The following CHRM2 variants were observed in gnomAD, a reference collection of about 807,000 sequenced individuals.
CHRM2 encodes cholinergic receptor muscarinic 2, also known as muscarinic acetylcholine receptor M2.
Under a neutral mutation model 25.0 loss-of-function variants are expected in CHRM2, and 8 were observed. The observed-to-expected ratio is 0.32, with a 90% CI of 0.19 to 0.58. CHRM2 has a LOEUF of 0.58. Ranked by LOEUF, CHRM2 falls within the 20% of genes least tolerant of loss-of-function variation. The pLI is 0.88. For missense variants in CHRM2, 440 were observed against 567.1 expected (o/e 0.78, Z 2.28); for synonymous variants, 202 against 205.7 (o/e 0.98, Z 0.15).
chr7:136,919,000 A>G (rs1443149463), intron 2 of CHRM2, among the ~76,000 whole-genome samples: 1 of 152,116 alleles, frequency 6.6e-6, no homozygotes, highest in Non-Finnish European at 1.5e-5. Flanking sequence ...CAGGCAATTA[A>G]TATTTGGAAC....
At chr7:136,951,170 T>A (rs1200112780) in intron 2 of CHRM2, 2 of 152,142 alleles carry the variant, frequency 1.3e-5, no homozygotes, top group African/African-American at 4.8e-5. Flanking sequence ...TAAGACCATG[T>A]GGAATATCCA....
At chr7:136,992,579 A>C (rs1363600282) in intron 3 of CHRM2, among the ~76,000 whole-genome samples, 4 of 152,088 alleles carry the variant, frequency 2.6e-5, no homozygotes, top group Non-Finnish European at 5.9e-5. Flanking sequence ...TAATACATCA[A>C]AATTTCCTGA....
intron 2 of CHRM2, among the ~76,000 whole-genome samples, chr7:136,898,459 TA>T (rs1797020722): frequency 6.6e-6 from 1 of 151,996 alleles, no homozygotes; most frequent in Non-Finnish European, 1.5e-5. Flanking sequence ...GTTAAGTCTC[TA>T]AGACTGTGAA....
intron 2 of CHRM2, among the ~76,000 whole-genome samples, chr7:136,889,357 TA>T (rs2130551994): frequency 1.3e-5 from 2 of 152,302 alleles, no homozygotes; most frequent in South Asian, 4.1e-4. Flanking sequence ...ACAATCCCTT[TA>T]TACTGGTTAA....
At chr7:136,892,654 T>C (rs1036301814) in intron 2 of CHRM2, among the ~76,000 whole-genome samples, 1 of 150,080 alleles carries the variant, frequency 6.7e-6, no homozygotes, top group African/African-American at 2.5e-5. Context: ...AATGATAAAG[T>C]GCTCTTATTA....
At chr7:136,930,593 GAA>G (rs11284479) in intron 2 of CHRM2, among the ~76,000 whole-genome samples, 36,347 of 150,612 alleles carry the variant, frequency 0.24, 5,719 homozygotes, top group Non-Finnish European at 0.35. Flanking sequence ...TATACGATAG[GAA>G]AAAAAAAAAT....
chr7:136,948,511 G>C (rs577564054), intron 2 of CHRM2, among the ~76,000 whole-genome samples: 49 of 152,162 alleles, frequency 3.2e-4, no homozygotes, highest in African/African-American at 1.2e-3. Flanking sequence ...GGTTAACTGT[G>C]AGGACATTTA....
At chr7:136,980,739 T>G (rs1449714668) in intron 2 of CHRM2, among the ~76,000 whole-genome samples, 1 of 152,196 alleles carries the variant, frequency 6.6e-6, no homozygotes, top group Non-Finnish European at 1.5e-5. Flanking sequence ...TGAGATGGAT[T>G]ACGTTTATTG....
intron 2 of CHRM2, among the ~76,000 whole-genome samples, chr7:136,901,279 A>G (rs1797192197): frequency 6.6e-6 from 1 of 152,084 alleles, no homozygotes; most frequent in African/African-American, 2.4e-5. Flanking sequence ...AGAAAGGTAT[A>G]GTGGGTTGCA....
chr7:136,907,730 A>C (rs1393235476), intron 2 of CHRM2: 1 of 151,944 alleles, frequency 6.6e-6, no homozygotes, highest in Non-Finnish European at 1.5e-5. Context: ...CAACAAAAAA[A>C]ATCTTATTCC....
At chr7:136,885,207 T>C (rs563297315) in intron 2 of CHRM2, among the ~76,000 whole-genome samples, 2 of 152,220 alleles carry the variant, frequency 1.3e-5, no homozygotes, top group Non-Finnish European at 2.9e-5. Context: ...TCCTTAGCAA[T>C]GGACCAAAGA....
At chr7:136,922,010 G>A (rs2130738818) in intron 2 of CHRM2, among the ~76,000 whole-genome samples, 1 of 152,064 alleles carries the variant, frequency 6.6e-6, no homozygotes, top group South Asian at 2.1e-4. Flanking sequence ...CAAGTGATCT[G>A]CCTGCCTCAT....
intron 2 of CHRM2, among the ~76,000 whole-genome samples, chr7:136,879,506 T>C (rs1796177879): frequency 6.6e-6 from 1 of 152,014 alleles, no homozygotes; most frequent in Non-Finnish European, 1.5e-5. Flanking sequence ...TGACTGTCTA[T>C]TGGGAAATGA....
At chr7:136,967,960 C>A (rs2130918115) in intron 2 of CHRM2, among the ~76,000 whole-genome samples, 1 of 151,906 alleles carries the variant, frequency 6.6e-6, no homozygotes, top group South Asian at 2.1e-4. Flanking sequence ...ACTTCATACA[C>A]AAAACCACAC....
intron 2 of CHRM2, among the ~76,000 whole-genome samples, chr7:136,873,139 T>A (rs1449819281): frequency 6.6e-6 from 1 of 152,230 alleles, no homozygotes; most frequent in Non-Finnish European, 1.5e-5. Context: ...GCCACCAATG[T>A]CCACCTTGTG....
rs139094210 is a variant in CHRM2, at chr7:136,908,313, C to T, written c.-125+38895C>T. On this transcript the variant is annotated intron_variant, in intron 2 of 3. Coordinates refer to ENST00000680005, the MANE Select transcript of CHRM2 (RefSeq NM_001006630.2). The stretch of plus-strand genomic sequence containing the variant: ...TAAACATCTAAGAAATGAATAGTTA[C>T]GAGGCTCTTATTCTTAACTACTGTG... Among the ~76,000 whole-genome samples, 267 of 151,916 alleles carry T rather than the reference C, an allele frequency of 1.8e-3. 1 individual carries two copies. Among genetic ancestry groups the T allele is most frequent in the African/African-American group, 6.1e-3 (252 of 41,502 alleles).
At chr7:136,953,153 A>T (rs1800517115) in intron 2 of CHRM2, among the ~76,000 whole-genome samples, 1 of 152,082 alleles carries the variant, frequency 6.6e-6, no homozygotes, top group Non-Finnish European at 1.5e-5. Context: ...GAATCGCCAC[A>T]CTGTCAGACA....
At position 136,973,771 on chromosome 7, in the gene CHRM2, G is replaced by A. The variant is rs1007861134; in HGVS notation, c.-124-18416G>A. On this transcript the variant is annotated intron_variant, in intron 2 of 3. Transcript: ENST00000680005. The stretch of plus-strand genomic sequence containing the variant: ...GGTGATGGTGGTGAAGATGGTAATG[G>A]AGTTGATGGTGGTGGGGATGGTAGG... 5.3e-5 allele frequency among the ~76,000 whole-genome samples: 8 copies of A among 151,972 alleles called. No homozygotes were observed. The East Asian group carries it at 5.8e-4, about 11-fold the overall frequency.
At chr7:136,932,294 A>C (rs955840316) in intron 2 of CHRM2, among the ~76,000 whole-genome samples, 1 of 152,344 alleles carries the variant, frequency 6.6e-6, no homozygotes, top group South Asian at 2.1e-4. Flanking sequence ...AAAGAGAGTG[A>C]ATTAGTAATT....
Sources: gnomAD v4.1 joint callset for allele counts (sites outside exome capture counted in the v4.1 genomes callset) on GRCh38, gnomAD v4.1.1 for gene constraint, MANE v1.5 for transcripts, NCBI Gene and HGNC (gene_info 2026-07-23, HGNC 2026-07-21) for gene names.